Variants in LRRC71 observed in about 807,000 individuals in gnomAD.
The protein encoded by LRRC71 is leucine-rich repeat-containing protein 71.
In LRRC71, 54 loss-of-function variants were observed where a neutral mutation model predicts 66.6. The ratio of observed to expected loss-of-function variants is 0.81; its 90% CI spans 0.65 to 1.02. The LOEUF is 1.02. LRRC71 is among the 50% of genes least tolerant of loss of function. The pLI is 0.00. For synonymous variants in LRRC71, 323 were observed against 303.9 expected (o/e 1.06, Z -0.65); for missense variants, 724 against 718.0 (o/e 1.01, Z -0.10).
chr1:156,932,548 G>A lies in LRRC71; in HGVS notation c.1563+3G>A. ...GGCTGCTGTGGCTGTCCCTGGCTGT[G>A]AGTCCCTTTCACTCTCTCCTGCTGA... On this transcript the variant is annotated splice_donor_region_variant and intron_variant, in intron 14 of 14. Coordinates refer to ENST00000337428, the MANE Select transcript of LRRC71 (RefSeq NM_144702.3). The A allele has an allele frequency of 6.2e-7, 1 of 1,613,992 alleles. No homozygotes were observed.
downstream of LRRC71, among the ~76,000 whole-genome samples, chr1:156,933,916 G>C (rs1654697408): frequency 6.6e-6 from 1 of 152,174 alleles, no homozygotes. Flanking sequence ...TTGTCCTGCT[G>C]TCTTACTTTG....
Position 156,930,490 on chromosome 1 carries a change from A to G in LRRC71, c.1241-39A>G, listed in dbSNP as rs752409178. ...GGGAGGGAGCCTGGGTGGTATCAGAAGTGTGCACTGTGCATTCTGGCTCCT... is the reference window on the plus strand; with the variant it reads ...GGGAGGGAGCCTGGGTGGTATCAGAGGTGTGCACTGTGCATTCTGGCTCCT... On this transcript the variant is annotated intron_variant, in intron 11 of 14. Coordinates refer to ENST00000337428, the MANE Select transcript of LRRC71 (RefSeq NM_144702.3). 2.0e-6 allele frequency: 3 copies of G among 1,519,968 alleles called. No homozygotes were observed. In the South Asian group the frequency reaches 3.6e-5, roughly 18 times the overall value. 94.2% of individuals were successfully genotyped at this position (1,519,968 alleles called of 1,614,324 possible).
chr1:156,939,446 C>T, the LRRC71 span: 7,473 of 1,536,206 alleles, frequency 4.9e-3, 27 homozygotes, highest in Non-Finnish European at 6.3e-3. Context: ...TCTGCTCACA[C>T]GGTACCCAGG....
intron 1 of LRRC71, among the ~76,000 whole-genome samples, chr1:156,921,245 A>C (rs774701250): frequency 3.9e-5 from 6 of 152,188 alleles, no homozygotes; most frequent in Non-Finnish European, 5.9e-5. Context: ...CTTTGAACAG[A>C]GTTTACAGAT....
chr1:156,933,125 T>C (rs960133438), downstream of LRRC71: 40 of 592,758 alleles, frequency 6.7e-5, no homozygotes, highest in East Asian at 3.7e-4. Flanking sequence ...CCAGAACTAC[T>C]TGGAACATTT....
At chr1:156,924,230 C>T (rs1652839758) in intron 2 of LRRC71, 132 bp downstream of exon 2, 3 of 1,254,708 alleles carry the variant, frequency 2.4e-6, no homozygotes, top group East Asian at 2.6e-5. Context: ...TCGACGAGGC[C>T]GGTGGGGAGG....
At chr1:156,931,808 T>TG in intron 12 of LRRC71, 108 bp from the exon 13 acceptor site, 1 of 866,420 alleles carries the variant, frequency 1.2e-6, no homozygotes, top group Non-Finnish European at 1.8e-6. Flanking sequence ...GGACAAAGCC[T>TG]GGACTATAGC....
chr1:156,924,054 C>CCCCCCGACG lies in LRRC71; in HGVS notation c.266_267insCCCCCGACG (p.Pro90_Phe91insArgArgPro). The CCCCCCGACG allele has an allele frequency of 6.5e-7, 1 of 1,548,396 alleles. No homozygotes were observed. Among genetic ancestry groups the CCCCCCGACG allele is most frequent in the Non-Finnish European group, 8.7e-7 (1 of 1,145,714 alleles). On this transcript the variant is annotated inframe_insertion, in exon 2 of 15. Coordinates refer to ENST00000337428, the MANE Select transcript of LRRC71 (RefSeq NM_144702.3). ...GTTGTCAACCGGCCCCGCCCCCACCCGCCCTTCGTCCCCTCCGCCTCTTTG... is the reference window on the plus strand; with the variant it reads ...GTTGTCAACCGGCCCCGCCCCCACCCCCCCCGACGGCCCTTCGTCCCCTCCGCCTCTTTG...
At position 156,931,994 on chromosome 1, in the gene LRRC71, G is replaced by C; in HGVS notation, c.1408G>C (p.Gly470Arg). The change falls in exon 13 of 15, where the codon GGG becomes CGG. Residue 470 changes from glycine (G) to arginine (R), a missense_variant. By Grantham distance (125) the Gly-to-Arg change is moderately radical (BLOSUM62 -2). Coordinates refer to ENST00000337428, the MANE Select transcript of LRRC71 (RefSeq NM_144702.3). Reference protein sequence around the residue: ...EHRDGKVFMPGNKVLLHLNLI... With the variant: ...EHRDGKVFMPRNKVLLHLNLI... ...CCGAGATGGGAAAGTTTTCATGCCT[G>C]GGAACAAGGTCCTTTTGCACCTCAA... The C allele has an allele frequency of 6.2e-7, 1 of 1,600,184 alleles. No homozygotes were observed. The highest frequency in any genetic ancestry group is 8.5e-7 in the Non-Finnish European group (1 of 1,173,194).
chr1:156,923,580 C>A (rs1048085179), intron 1 of LRRC71, among the ~76,000 whole-genome samples: 2 of 152,106 alleles, frequency 1.3e-5, no homozygotes, highest in African/African-American at 4.8e-5. Context: ...GGACCCTGAG[C>A]AGTTCCAGCA....
At chr1:156,921,071 G>T (rs866617306) in intron 1 of LRRC71, 108 bp downstream of exon 1, 1 of 1,247,286 alleles carries the variant, frequency 8.0e-7, no homozygotes, top group Middle Eastern at 2.0e-4. Flanking sequence ...ACATACCTAC[G>T]TTGAGTTCCT....
chr1:156,936,663 G>A (rs558038458), downstream of LRRC71, among the ~76,000 whole-genome samples: 143 of 151,940 alleles, frequency 9.4e-4, 1 homozygote, highest in Middle Eastern at 0.01. Flanking sequence ...TCCCTAAAAA[G>A]ATCCCTCTCT....
At position 156,927,668 on chromosome 1, in the gene LRRC71, C is replaced by T. The variant is rs1361895439; in HGVS notation, c.822+13C>T. On this transcript the variant is annotated intron_variant, in intron 7 of 14. Coordinates refer to ENST00000337428, the MANE Select transcript of LRRC71 (RefSeq NM_144702.3). ...CTACATCGCGGACGTGAGTGCACGG[C>T]GGGGAGGGACCTGCTGGGAGCAGGG... is the stretch of plus-strand genomic sequence containing the variant. 5.0e-6 allele frequency: 8 copies of T among 1,606,302 alleles called. No individual in the cohort carries two copies. Among genetic ancestry groups the T allele is most frequent in the Non-Finnish European group, 5.9e-6 (7 of 1,178,218 alleles).
At chr1:156,937,282 A>T, downstream of LRRC71, 3 of 1,613,880 alleles carry the variant, frequency 1.9e-6, no homozygotes, top group Non-Finnish European at 2.5e-6. Context: ...TGAGCTGCTC[A>T]ATGGTATGGA....
intron 12 of LRRC71, among the ~76,000 whole-genome samples, chr1:156,931,373 GGTTGCCT>G (rs1654341442): frequency 6.6e-6 from 1 of 152,110 alleles, no homozygotes; most frequent in Non-Finnish European, 1.5e-5. Flanking sequence ...AAGAGATTGG[GGTTGCCT>G]TTCAGTTTCC....
downstream of LRRC71, among the ~76,000 whole-genome samples, chr1:156,934,595 CTGTG>C (rs113296530): frequency 7.3e-5 from 11 of 151,628 alleles, no homozygotes; most frequent in African/African-American, 2.7e-4. Context: ...ATATATATAT[CTGTG>C]TGTGTGTAAC....
In LRRC71 at chr1:156,927,579, G is replaced by A; in HGVS notation, c.746G>A (p.Ser249Asn). ...GGCCAGGCGCTGTCCACGCTGCACA[G>A]CTGCAACCGGACCCTCGTCTCGCTC... is the stretch of plus-strand genomic sequence containing the variant. ...LLGQALSTLHSCNRTLVSLNL... is the reference protein window; with the variant it reads ...LLGQALSTLHNCNRTLVSLNL... Residue 249 changes from serine to asparagine, a missense_variant, in exon 7 of 15, where the codon AGC becomes AAC. Physicochemically the swap from Ser to Asn is conservative, Grantham distance 46. Coordinates refer to ENST00000337428, the MANE Select transcript of LRRC71 (RefSeq NM_144702.3). 1.3e-6 allele frequency: 2 copies of A among 1,597,224 alleles called. No individual in the cohort carries two copies. Among genetic ancestry groups the A allele is most frequent in the Non-Finnish European group, 1.7e-6 (2 of 1,171,682 alleles).
intron 4 of LRRC71, 28 bp from the exon 5 acceptor site, chr1:156,924,908 CTG>C (rs1240227831): frequency 1.9e-6 from 3 of 1,551,126 alleles, no homozygotes; most frequent in East Asian, 2.4e-5. Context: ...CGCTCTAGCT[CTG>C]TGTTTCTGCA....
chr1:156,923,112 C>T (rs1234303754), intron 1 of LRRC71, among the ~76,000 whole-genome samples: 10 of 152,248 alleles, frequency 6.6e-5, no homozygotes, highest in African/African-American at 2.4e-5. Flanking sequence ...AGCTCCTCCA[C>T]TCCCTCAGGC....
Sources: gnomAD v4.1 joint callset for allele counts (sites outside exome capture counted in the v4.1 genomes callset) on GRCh38, gnomAD v4.1.1 for gene constraint, MANE v1.5 for transcripts, NCBI Gene and HGNC (gene_info 2026-07-23, HGNC 2026-07-21) for gene names.